CCDC97: variants seen among roughly 807,000 people sequenced by gnomAD.
CCDC97 encodes the protein coiled-coil domain-containing protein 97.
In CCDC97, 27 loss-of-function variants were observed where a neutral mutation model predicts 33.9. The ratio of observed to expected loss-of-function variants is 0.80; its 90% CI spans 0.59 to 1.10. CCDC97 has a LOEUF of 1.10. CCDC97 is among the 50% of genes least tolerant of loss of function. The pLI is 0.00. For missense variants in CCDC97, 422 were observed against 476.6 expected, an observed-to-expected ratio of 0.89 and a Z score of 1.07; for synonymous variants, 217 against 194.0, an observed-to-expected ratio of 1.12 and a Z score of -0.99.
At chr19:41,314,346 T>C (rs2037720138) in intron 1 of CCDC97, among the ~76,000 whole-genome samples, 1 of 152,146 alleles carries the variant, frequency 6.6e-6, no homozygotes, top group Non-Finnish European at 1.5e-5. Flanking sequence ...TTCTCCCAGT[T>C]GGTCAGGCTG....
In CCDC97 at chr19:41,310,374, C is replaced by T. The variant is rs376483978; in HGVS notation, c.46+18C>T. 1.9e-6 allele frequency: 3 copies of T among 1,599,448 alleles called. No individual in the cohort carries two copies. The Admixed American group carries it at 5.2e-5, about 28-fold the overall frequency. ...CGATAAGGGTGAGATCTTGGTCACGCGCAGGCGGCGGGTGGGTGCGGTTGC... is the reference window on the plus strand; with the variant it reads ...CGATAAGGGTGAGATCTTGGTCACGTGCAGGCGGCGGGTGGGTGCGGTTGC... On this transcript the variant is annotated intron_variant, in intron 1 of 4. Transcript: ENST00000269967.
chr19:41,323,273 G>A lies in CCDC97; in HGVS notation c.*558G>A, dbSNP rs1349424913. The A allele has an allele frequency of 6.5e-6, 1 of 154,390 alleles. No individual in the cohort carries two copies. Among genetic ancestry groups the A allele is most frequent in the Non-Finnish European group, 1.4e-5 (1 of 69,408 alleles). The allele number at this position is 154,390 out of a possible 1,614,324, so 9.6% of individuals were successfully genotyped here. On this transcript the variant is annotated 3_prime_UTR_variant, in exon 5 of 5. Transcript: ENST00000269967. Reference sequence around the variant, plus strand: ...ACTCAGAGCCTCCTTGCTTCTGTTAGGTTCCCATCTCTCCTTCTGCCTCAC... The same window carrying A: ...ACTCAGAGCCTCCTTGCTTCTGTTAAGTTCCCATCTCTCCTTCTGCCTCAC...
rs2037859705 is a variant in CCDC97, at chr19:41,324,258, T to G, written c.*1543T>G. ...GCGAAGTGCCTGACACCGGGTTGGATCCTCAGATGGCCCCATGAACTAGTG... is the reference window on the plus strand; with the variant it reads ...GCGAAGTGCCTGACACCGGGTTGGAGCCTCAGATGGCCCCATGAACTAGTG... On this transcript the variant is annotated 3_prime_UTR_variant, in exon 5 of 5. Coordinates refer to ENST00000269967, the MANE Select transcript of CCDC97 (RefSeq NM_052848.3). 6.6e-6 allele frequency: 1 copy of G among 152,210 alleles called. No individual in the cohort carries two copies. The highest frequency in any genetic ancestry group is 6.5e-5 in the Admixed American group (1 of 15,280). The allele number at this position is 152,210 out of a possible 1,614,324, so 9.4% of individuals were successfully genotyped here.
In CCDC97 at chr19:41,319,638, C is replaced by G. The variant is rs747518951; in HGVS notation, c.567C>G (p.Ile189Met). The change falls in exon 3 of 5, where the codon ATC (isoleucine) becomes ATG (methionine). Residue 189 changes from isoleucine (I) to methionine (M), a missense_variant. By Grantham distance (10) the Ile-to-Met change is conservative. Transcript: ENST00000269967. The stretch of plus-strand genomic sequence containing the variant: ...CCCCCCTGCTATATGAGCAGTACAT[C>G]GGGCAGTATCTCACCCAGGAGGAGC... ...FRAPLLYEQY[I>M]GQYLTQEELS... The G allele has an allele frequency of 1.2e-6, 2 of 1,613,888 alleles. No homozygotes were observed. The highest frequency in any genetic ancestry group is 8.5e-7 in the Non-Finnish European group (1 of 1,179,948).
rs759164631 is a variant in CCDC97, at chr19:41,319,711, G to A, written c.640G>A (p.Gly214Arg). ...THQPPKPGSPGRPACPLSNLL... is the reference protein window; with the variant it reads ...THQPPKPGSPRRPACPLSNLL... The stretch of plus-strand genomic sequence containing the variant: ...CCAGCCCCCCAAGCCCGGGTCCCCC[G>A]GGAGACCTGCTTGCCCGCTCTCCAA... Residue 214 changes from glycine (G) to arginine (R), a missense_variant, in exon 3 of 5, where the codon GGG becomes AGG. Coordinates refer to ENST00000269967, the MANE Select transcript of CCDC97 (RefSeq NM_052848.3). 189 of 1,613,778 alleles carry A rather than the reference G, an allele frequency of 1.2e-4. No individual in the cohort carries two copies. Among genetic ancestry groups the A allele is most frequent in the East Asian group, 2.9e-4 (13 of 44,874 alleles).
chr19:41,316,525 T>C lies in CCDC97; in HGVS notation c.188T>C (p.Val63Ala), dbSNP rs1213565886. The stretch of plus-strand genomic sequence containing the variant: ...ACCTCCGGGGCTGAAAATGCAGCAG[T>C]GAGTGCTATGCTGCACGCTGTAGCC... Reference protein sequence around the residue: ...SDTSGAENAAVSAMLHAVAAS... With the variant: ...SDTSGAENAAASAMLHAVAAS... Residue 63 changes from valine (V) to alanine (A), a missense_variant, in exon 2 of 5, where the codon GTG becomes GCG. By Grantham distance (64) the Val-to-Ala change is moderately conservative. Transcript: ENST00000269967. 2.5e-6 allele frequency: 4 copies of C among 1,614,166 alleles called. No individual in the cohort carries two copies. The highest frequency in any genetic ancestry group is 3.4e-6 in the Non-Finnish European group (4 of 1,179,996).
intron 1 of CCDC97, among the ~76,000 whole-genome samples, chr19:41,312,097 GT>G (rs1289370956): frequency 6.6e-6 from 1 of 151,990 alleles, no homozygotes; most frequent in Non-Finnish European, 1.5e-5. Flanking sequence ...TTGTTTGTTT[GT>G]TTTTTGAGAG....
In CCDC97 at chr19:41,311,714, G is replaced by A. The variant is rs2037687287; in HGVS notation, c.46+1358G>A. Among the ~76,000 whole-genome samples, 4 of 151,666 alleles carry A rather than the reference G, an allele frequency of 2.6e-5. No homozygotes were observed. The South Asian group carries it at 8.3e-4, about 32-fold the overall frequency. On this transcript the variant is annotated intron_variant, in intron 1 of 4. Coordinates refer to ENST00000269967, the MANE Select transcript of CCDC97 (RefSeq NM_052848.3). The stretch of plus-strand genomic sequence containing the variant: ...ATCGCACCACTGTACTCCAGTCTGG[G>A]TAACAGAGCAAAACTCTGTCTCAAA...
chr19:41,316,425 C>T lies in CCDC97; in HGVS notation c.88C>T (p.Arg30Trp), dbSNP rs750440431. 66 of 1,613,810 alleles carry T rather than the reference C, an allele frequency of 4.1e-5. No homozygotes were observed. Among genetic ancestry groups the T allele is most frequent in the East Asian group, 1.3e-4 (6 of 44,880 alleles). ...ACCTGGGCACTGGGGTGAGCTGAGCCGGACACCAGTCCCATCTAAACCCCA... is the reference window on the plus strand; with the variant it reads ...ACCTGGGCACTGGGGTGAGCTGAGCTGGACACCAGTCCCATCTAAACCCCA... ...PGPGHWGELS[R>W]TPVPSKPQDK... is the part of the protein sequence containing the mutation. The change falls in exon 2 of 5, where the codon CGG becomes TGG. Residue 30 changes from arginine to tryptophan, a missense_variant. Transcript: ENST00000269967.
chr19:41,321,117 A>G (rs535646175), intron 4 of CCDC97, among the ~76,000 whole-genome samples: 10 of 152,390 alleles, frequency 6.6e-5, no homozygotes, highest in African/African-American at 2.2e-4. Flanking sequence ...GTGACCACAC[A>G]TAAGCGGACC....
chr19:41,318,770 A>G (rs1040239026), intron 2 of CCDC97, among the ~76,000 whole-genome samples: 3 of 152,150 alleles, frequency 2.0e-5, no homozygotes, highest in Non-Finnish European at 2.9e-5. Context: ...TGCATAGAGG[A>G]GCACTCGAGA....
Position 41,319,642 on chromosome 19 carries a change from C to T in CCDC97, c.571C>T (p.Gln191Ter). The change falls in exon 3 of 5, where the codon CAG becomes TAG. Residue 191 changes from glutamine (Q) to a stop codon, truncating the protein, a stop_gained. Transcript: ENST00000269967. LOFTEE classifies it high-confidence loss of function. ...CCTGCTATATGAGCAGTACATCGGG[C>T]AGTATCTCACCCAGGAGGAGCTCAG... ...APLLYEQYIG[Q>*]YLTQEELSAR... 1 of 1,614,090 alleles carries T rather than the reference C, an allele frequency of 6.2e-7. No homozygotes were observed. Among genetic ancestry groups the T allele is most frequent in the African/African-American group, 1.3e-5 (1 of 75,054 alleles).
At chr19:41,311,915 AT>A (rs1184061310) in intron 1 of CCDC97, among the ~76,000 whole-genome samples, 10 of 151,982 alleles carry the variant, frequency 6.6e-5, no homozygotes. Flanking sequence ...AAGAAAAAAA[AT>A]TTGTCTCTTG....
chr19:41,318,257 T>C (rs1015867684), intron 2 of CCDC97, among the ~76,000 whole-genome samples: 1 of 152,086 alleles, frequency 6.6e-6, no homozygotes, highest in Admixed American at 6.6e-5. Context: ...AAGACCAGCC[T>C]GGCCAACATG....
intron 2 of CCDC97, among the ~76,000 whole-genome samples, chr19:41,318,521 G>A (rs1396281089): frequency 1.3e-5 from 2 of 152,332 alleles, no homozygotes; most frequent in Middle Eastern, 3.4e-3. Flanking sequence ...GCAGGAGTGG[G>A]GAAGCTGAGC....
chr19:41,320,016 A>G (rs2037802910), intron 3 of CCDC97, among the ~76,000 whole-genome samples, 164 bp downstream of exon 3: 1 of 152,070 alleles, frequency 6.6e-6, no homozygotes, highest in South Asian at 2.1e-4. Context: ...CAACCGCTGC[A>G]GCATCCCCAT....
At chr19:41,310,457 C>T (rs1365097985) in intron 1 of CCDC97, 101 bp downstream of exon 1, 2 of 1,524,074 alleles carry the variant, frequency 1.3e-6, no homozygotes, top group Non-Finnish European at 1.8e-6. Flanking sequence ...TTTAGGGGGA[C>T]ACCCACCCCC....
At position 41,316,490 on chromosome 19, in the gene CCDC97, G is replaced by T; in HGVS notation, c.153G>T (p.Leu51=). 6.2e-7 allele frequency: 1 copy of T among 1,614,220 alleles called. No individual in the cohort carries two copies. Among genetic ancestry groups the T allele is most frequent in the Non-Finnish European group, 8.5e-7 (1 of 1,180,034 alleles). ...CAGCTGAGGCAACACCAGTGGCCCT[G>T]GACAGTGACACCTCCGGGGCTGAAA... is the stretch of plus-strand genomic sequence containing the variant. ...VEAAEATPVA[L]DSDTSGAENA... is the part of the protein sequence containing the mutation. The change falls in exon 2 of 5, where the codon CTG becomes CTT. Residue 51 remains leucine (L), a synonymous_variant. Coordinates refer to ENST00000269967, the MANE Select transcript of CCDC97 (RefSeq NM_052848.3).
chr19:41,315,967 G>A (rs987714575), intron 1 of CCDC97, among the ~76,000 whole-genome samples: 23 of 152,060 alleles, frequency 1.5e-4, no homozygotes, highest in African/African-American at 5.3e-4. Flanking sequence ...GGTGGTATAT[G>A]CCTGTGGTCC....
Sources: gnomAD v4.1 joint callset for allele counts (sites outside exome capture counted in the v4.1 genomes callset) on GRCh38, gnomAD v4.1.1 for gene constraint, MANE v1.5 for transcripts, NCBI Gene and HGNC (gene_info 2026-07-23, HGNC 2026-07-21) for gene names.